Variants in CPNE5 observed in about 807,000 individuals in gnomAD.
CPNE5 encodes the protein copine-5.
A neutral mutation model predicts 81.1 loss-of-function variants in CPNE5; 42 were observed. That is an observed-to-expected ratio of 0.52 (90% CI 0.40 to 0.67). CPNE5 has a LOEUF of 0.67. Ranked by LOEUF, CPNE5 falls within the 30% of genes least tolerant of loss-of-function variation. The pLI is 0.00. For missense variants in CPNE5, 612 were observed against 815.5 expected (o/e 0.75, Z 3.04); for synonymous variants, 313 against 321.5 (o/e 0.97, Z 0.28).
intron 3 of CPNE5, among the ~76,000 whole-genome samples, chr6:36,820,804 C>T (rs566971165): frequency 7.2e-5 from 11 of 152,022 alleles, no homozygotes; most frequent in Non-Finnish European, 8.8e-5. Flanking sequence ...TTTTAATTAG[C>T]CAGGCTTGGT....
chr6:36,745,164 G>A lies in CPNE5; in HGVS notation c.1329-14C>T, dbSNP rs778490420. ...GCCGCTGCATTCCTGGGTGGGGCAG[G>A]TGTGGGCTCAGGTCTGTCTGCGGGA... On this transcript the variant is annotated splice_polypyrimidine_tract_variant and intron_variant, in intron 17 of 20. Coordinates refer to ENST00000244751, the MANE Select transcript of CPNE5 (RefSeq NM_020939.2). 18 of 1,605,708 alleles carry A rather than the reference G, an allele frequency of 1.1e-5. No individual in the cohort carries two copies. Among genetic ancestry groups the A allele is most frequent in the South Asian group, 2.2e-5 (2 of 90,850 alleles).
At chr6:36,804,148 CTGGGA>C (rs1561803432) in intron 3 of CPNE5, among the ~76,000 whole-genome samples, 1 of 152,216 alleles carries the variant, frequency 6.6e-6, no homozygotes, top group Non-Finnish European at 1.5e-5. Context: ...CAAGGCAGAG[CTGGGA>C]CCTAAACCCA....
At chr6:36,815,716 C>G (rs986547795) in intron 3 of CPNE5, among the ~76,000 whole-genome samples, 1 of 152,234 alleles carries the variant, frequency 6.6e-6, no homozygotes, top group African/African-American at 2.4e-5. Flanking sequence ...CAAGTTGCCC[C>G]GAGGAAGATC....
At position 36,746,710 on chromosome 6, in the gene CPNE5, C is replaced by T. The variant is rs923355827; in HGVS notation, c.1019-133G>A. On this transcript the variant is annotated intron_variant, in intron 15 of 20. Coordinates refer to ENST00000244751, the MANE Select transcript of CPNE5 (RefSeq NM_020939.2). This position sits in a 1 kb window ranked among gnomAD's most constrained non-coding sequence, Gnocchi z 4.5. The stretch of plus-strand genomic sequence containing the variant: ...TTGACTCCTCTCTTTCTCTCATACC[C>T]CATGTTAAATCCTTCAGCAAAACAG... 1.5e-5 allele frequency: 11 copies of T among 744,412 alleles called. No individual in the cohort carries two copies. The highest frequency in any genetic ancestry group is 3.7e-5 in the African/African-American group (2 of 53,934). 46.1% of individuals were successfully genotyped at this position (744,412 alleles called of 1,614,324 possible).
At chr6:36,824,089 T>C (rs1772297426) in intron 1 of CPNE5, among the ~76,000 whole-genome samples, 2 of 152,356 alleles carry the variant, frequency 1.3e-5, no homozygotes, top group South Asian at 4.1e-4. Context: ...TGAAGGCTGT[T>C]GATGCCCTGC....
At chr6:36,794,112 T>G (rs537486019) in intron 7 of CPNE5, among the ~76,000 whole-genome samples, 1 of 147,510 alleles carries the variant, frequency 6.8e-6, no homozygotes, top group Non-Finnish European at 1.5e-5. Flanking sequence ...GGGATTCAGC[T>G]GGATCTACTC....
intron 14 of CPNE5, 56 bp downstream of exon 14, chr6:36,752,978 T>G: frequency 7.1e-7 from 1 of 1,413,914 alleles, no homozygotes; most frequent in Non-Finnish European, 1.0e-6. Context: ...CCTGTCGGTG[T>G]GTGGGGCCCT....
chr6:36,809,780 C>A (rs1486838056), intron 3 of CPNE5, among the ~76,000 whole-genome samples: 1 of 151,808 alleles, frequency 6.6e-6, no homozygotes, highest in Admixed American at 6.6e-5. Context: ...TGACGGGTAC[C>A]CCAGCCAGTG....
intron 3 of CPNE5, among the ~76,000 whole-genome samples, chr6:36,808,220 A>G (rs1770772818): frequency 6.6e-6 from 1 of 151,838 alleles, no homozygotes; most frequent in African/African-American, 2.4e-5. Flanking sequence ...CCTCCCCAGT[A>G]GCTGGGATTA....
At chr6:36,777,862 G>C (rs996364403) in intron 9 of CPNE5, among the ~76,000 whole-genome samples, 1 of 148,926 alleles carries the variant, frequency 6.7e-6, no homozygotes, top group African/African-American at 2.5e-5. Flanking sequence ...CACTTGCTTT[G>C]CCCAAACGTT....
intron 7 of CPNE5, 195 bp from the exon 8 acceptor site, chr6:36,792,291 G>C (rs774938020): frequency 7.4e-5 from 109 of 1,480,222 alleles, no homozygotes; most frequent in Non-Finnish European, 9.4e-5. Context: ...CCTGGGACCG[G>C]GTCCCCGAGC....
At chr6:36,822,215 G>A in intron 2 of CPNE5, 55 bp from the exon 3 acceptor site, 3 of 1,400,366 alleles carry the variant, frequency 2.1e-6, no homozygotes, top group South Asian at 1.5e-5. Flanking sequence ...GGAAGGAGGG[G>A]TCCCAGATGA....
intron 6 of CPNE5, among the ~76,000 whole-genome samples, chr6:36,796,518 G>C (rs1246909075): frequency 6.6e-6 from 1 of 152,232 alleles, no homozygotes; most frequent in Non-Finnish European, 1.5e-5. Context: ...CTGCTGGAAA[G>C]AGCAGATGCT....
At chr6:36,745,597 G>T in intron 16 of CPNE5, 82 bp from the exon 17 acceptor site, 4 of 1,470,014 alleles carry the variant, frequency 2.7e-6, no homozygotes, top group Non-Finnish European at 3.7e-6. Flanking sequence ...TCCAGGTGGG[G>T]AGGCCAGCAG....
chr6:36,823,104 A>G lies in CPNE5; in HGVS notation c.96-6T>C. 6.4e-7 allele frequency: 1 copy of G among 1,561,228 alleles called. No homozygotes were observed. Among genetic ancestry groups the G allele is most frequent in the Non-Finnish European group, 8.7e-7 (1 of 1,151,150 alleles). On this transcript the variant is annotated splice_polypyrimidine_tract_variant and splice_region_variant and intron_variant, in intron 1 of 20. Transcript: ENST00000244751. Reference sequence around the variant, plus strand: ...TGTCTTTGTCCAGGAGGTTCCTGAAAGAGGGGGAGAGAGGAGGGGTTAGCA... The same window carrying G: ...TGTCTTTGTCCAGGAGGTTCCTGAAGGAGGGGGAGAGAGGAGGGGTTAGCA...
intron 12 of CPNE5, among the ~76,000 whole-genome samples, chr6:36,759,994 C>T (rs911659699): frequency 6.6e-6 from 1 of 151,156 alleles, no homozygotes; most frequent in African/African-American, 2.4e-5. Context: ...ATCACCTGAG[C>T]TCAGGAGTTG....
intron 15 of CPNE5, among the ~76,000 whole-genome samples, chr6:36,747,258 C>CG (rs561755607): frequency 2.0e-5 from 3 of 152,094 alleles, no homozygotes; most frequent in African/African-American, 7.2e-5. Flanking sequence ...GATTTCCCCC[C>CG]CCAGAGCCCT....
At chr6:36,804,377 CCT>C (rs1173058280) in intron 3 of CPNE5, among the ~76,000 whole-genome samples, 1 of 152,196 alleles carries the variant, frequency 6.6e-6, no homozygotes, top group Non-Finnish European at 1.5e-5. Context: ...ATGCATAACC[CCT>C]GTTCCAAAAG....
intron 17 of CPNE5, 53 bp downstream of exon 17, chr6:36,745,335 G>T: frequency 6.4e-7 from 1 of 1,574,384 alleles, no homozygotes; most frequent in Non-Finnish European, 8.6e-7. Flanking sequence ...GGCAGAGCTG[G>T]TGTGGAAACA....
Sources: gnomAD v4.1 joint callset for allele counts (sites outside exome capture counted in the v4.1 genomes callset) on GRCh38, gnomAD v4.1.1 for gene constraint, Gnocchi (gnomAD v3.1) non-coding constraint, MANE v1.5 for transcripts, NCBI Gene and HGNC (gene_info 2026-07-23, HGNC 2026-07-21) for gene names.